The following MACF1 variants were observed in gnomAD, a reference collection of about 807,000 sequenced individuals.
MACF1 encodes microtubule-actin cross-linking factor 1.
MACF1 carries 193 observed loss-of-function variants against 854.8 expected under a neutral mutation model. The observed-to-expected ratio is 0.23, with a 90% confidence interval of 0.20 to 0.25. MACF1 has a LOEUF of 0.25. Ranked by LOEUF, MACF1 falls within the 10% of genes least tolerant of loss-of-function variation. MACF1 has a pLI of 1.00. For missense variants in MACF1, 7,722 were observed against 8,929.1 expected (o/e 0.86, Z 5.45); for synonymous variants, 3,185 against 3,226.7 (o/e 0.99, Z 0.44).
intron 58 of MACF1, chr1:39,412,391 T>C: frequency 6.2e-7 from 1 of 1,614,048 alleles, no homozygotes; most frequent in Non-Finnish European, 8.5e-7. Flanking sequence ...ACTTGTGAAT[T>C]GTCTGTGGAG....
Position 39,164,767 on chromosome 1 carries a change from C to T in MACF1, c.221-66415C>T, listed in dbSNP as rs57288498. On this transcript the variant is annotated intron_variant, in intron 2 of 93. Transcript: ENST00000361689. ...TTTCTTGCTGTTACTGAGCTAGCAC[C>T]GAGGTAATAAATTGGGCCAGCTTAA... Among the ~76,000 whole-genome samples the T allele has an allele frequency of 7.8e-3, 1,182 of 152,246 alleles. 15 individuals carry two copies. The highest frequency in any genetic ancestry group is 0.027 in the African/African-American group (1,121 of 41,530).
intron 2 of MACF1, among the ~76,000 whole-genome samples, chr1:39,089,727 A>G (rs200138743): frequency 6.7e-6 from 1 of 149,674 alleles, no homozygotes; most frequent in Non-Finnish European, 1.5e-5. Context: ...AATAAAAAAA[A>G]TGGATTAAGC....
At chr1:39,119,276 C>T (rs1222355442) in intron 2 of MACF1, among the ~76,000 whole-genome samples, 8 of 140,220 alleles carry the variant, frequency 5.7e-5, no homozygotes, top group African/African-American at 1.9e-4. Context: ...GAGATCGCAC[C>T]ATTGCACTCT....
intron 2 of MACF1, among the ~76,000 whole-genome samples, chr1:39,174,501 G>T (rs1643998897): frequency 6.6e-6 from 1 of 151,952 alleles, no homozygotes; most frequent in South Asian, 2.1e-4. Context: ...TTTATAGAAT[G>T]AAAAGGAAGC....
intron 58 of MACF1, among the ~76,000 whole-genome samples, chr1:39,405,011 G>A (rs1261039816): frequency 6.6e-6 from 1 of 152,158 alleles, no homozygotes; most frequent in Admixed American, 6.5e-5. Context: ...AGTCTAAAAA[G>A]AGGGATTAAT....
rs116465687 is a variant in MACF1 at position 39,230,810 on chromosome 1, A to G, written c.110-372A>G. ...ATGAAGAGTGAAATTTAACCACTGC[A>G]ATATGTGTGTCCCAAATGCCAAGGC... On this transcript the variant is annotated intron_variant, in intron 1 of 100. Coordinates refer to ENST00000564288, the MANE Select transcript of MACF1 (RefSeq NM_001394062.1). Among the ~76,000 whole-genome samples, 872 of 152,224 alleles carry G rather than the reference A, an allele frequency of 5.7e-3. 6 individuals carry two copies. The highest frequency in any genetic ancestry group is 8.0e-3 in the Non-Finnish European group (543 of 68,000).
chr1:39,212,684 G>A (rs1038911386), intron 1 of MACF1, among the ~76,000 whole-genome samples: 2 of 152,052 alleles, frequency 1.3e-5, no homozygotes, highest in Non-Finnish European at 2.9e-5. Flanking sequence ...GTGCAGTGGC[G>A]CAATCTCGGC....
chr1:39,142,863 G>C (rs1643374714), intron 2 of MACF1, among the ~76,000 whole-genome samples: 1 of 152,196 alleles, frequency 6.6e-6, no homozygotes. Flanking sequence ...CTGTTGACTG[G>C]TTTTGGTCTC....
intron 2 of MACF1, among the ~76,000 whole-genome samples, chr1:39,153,575 A>G (rs1014005632): frequency 1.3e-5 from 2 of 152,216 alleles, no homozygotes; most frequent in African/African-American, 2.4e-5. Flanking sequence ...CGTGAAGCAT[A>G]GGTCTAATCC....
intron 61 of MACF1, among the ~76,000 whole-genome samples, chr1:39,424,481 A>G (rs991882464): frequency 1.3e-5 from 2 of 152,200 alleles, no homozygotes; most frequent in African/African-American, 2.4e-5. Flanking sequence ...ACAGACTCCT[A>G]CAGTCCAGCC....
rs1050705415 is a variant in MACF1 at position 39,433,085 on chromosome 1, T to C, written c.17495T>C (p.Met5832Thr). The C allele has an allele frequency of 6.2e-7, 1 of 1,612,628 alleles. No homozygotes were observed. Residue 5832 changes from methionine (M) to threonine (T), a missense_variant, in exon 68 of 101, where the codon ATG (methionine) becomes ACG (threonine). Met to Thr is a moderately conservative substitution (Grantham distance 81). Around this residue, in one of 15 missense-constraint regions of MACF1, gnomAD observed 2,807 missense variants for 3,235.8 expected, o/e 0.87. Coordinates refer to ENST00000564288, the MANE Select transcript of MACF1 (RefSeq NM_001394062.1). ...GACATTATTCGACACAAAGATTCAA[T>C]GGATGAACTCTTCAGTCACCGTAGT... ...SIDIIRHKDS[M>T]DELFSHRSEI... is the part of the protein sequence containing the mutation.
chr1:39,441,820 C>T (rs1016647216), intron 74 of MACF1, 132 bp from the exon 75 acceptor site: 22 of 672,198 alleles, frequency 3.3e-5, no homozygotes, highest in Admixed American at 2.9e-4. Flanking sequence ...TTATCTGTGC[C>T]CCTTACCTGA....
intron 1 of MACF1, among the ~76,000 whole-genome samples, chr1:39,213,818 T>G (rs1644545230): frequency 6.6e-6 from 1 of 152,118 alleles, no homozygotes; most frequent in Admixed American, 6.5e-5. Context: ...ACAAACTGAG[T>G]ACAGTTGTCA....
intron 1 of MACF1, among the ~76,000 whole-genome samples, chr1:39,213,489 G>A (rs1232490557): frequency 6.6e-6 from 1 of 152,006 alleles, no homozygotes; most frequent in Non-Finnish European, 1.5e-5. Flanking sequence ...GTGCCACCAC[G>A]CCCAGCTAAT....
At chr1:39,478,434 A>G (rs890677078) in intron 97 of MACF1, among the ~76,000 whole-genome samples, 1 of 152,184 alleles carries the variant, frequency 6.6e-6, no homozygotes, top group Non-Finnish European at 1.5e-5. Flanking sequence ...GGTTGACCTG[A>G]TCGCCTCTGG....
rs139531559 is a variant in MACF1, at chr1:39,301,981, C to CTATTTATTTATT, written c.2635-927_2635-916dup. Among the ~76,000 whole-genome samples the CTATTTATTTATT allele has an allele frequency of 8.6e-3, 1,291 of 150,986 alleles. 16 individuals are homozygous for CTATTTATTTATT. The highest frequency in any genetic ancestry group is 0.028 in the African/African-American group (1,127 of 40,932). Reference sequence around the variant, plus strand: ...TATGCTTGTCTGCTTACCACTGTACCTATTTATTTATTTATTTATTTATTT... The same window carrying CTATTTATTTATT: ...TATGCTTGTCTGCTTACCACTGTACCTATTTATTTATTTATTTATTTATTTATTTATTTATTT... On this transcript the variant is annotated intron_variant, in intron 22 of 100. Coordinates refer to ENST00000564288, the MANE Select transcript of MACF1 (RefSeq NM_001394062.1).
At chr1:39,185,291 CAA>C (rs61635259) in intron 2 of MACF1, among the ~76,000 whole-genome samples, 2,837 of 128,678 alleles carry the variant, frequency 0.022, 74 homozygotes, top group African/African-American at 0.065. Context: ...GACTCCGTCT[CAA>C]AAAAAAAAAA....
At chr1:39,143,976 G>A (rs1643405647) in intron 2 of MACF1, among the ~76,000 whole-genome samples, 1 of 151,458 alleles carries the variant, frequency 6.6e-6, no homozygotes, top group Non-Finnish European at 1.5e-5. Context: ...TTTTAGTAGA[G>A]ATGGGCTTTC....
At chr1:39,167,538 C>T (rs1200661953) in intron 2 of MACF1, among the ~76,000 whole-genome samples, 1 of 151,906 alleles carries the variant, frequency 6.6e-6, no homozygotes, top group African/African-American at 2.4e-5. Context: ...GAAAACTTGT[C>T]TCTACTAAAA....
Sources: allele counts gnomAD v4.1 joint callset (sites outside exome capture counted in the v4.1 genomes callset), GRCh38; gene constraint gnomAD v4.1.1; regional missense constraint gnomAD v4.1.1; transcripts MANE v1.5; gene names NCBI Gene and HGNC (gene_info 2026-07-23, HGNC 2026-07-21).